The following ACSS3 variants were observed in gnomAD, a reference collection of about 807,000 sequenced individuals.
ACSS3 encodes acyl-CoA synthetase short chain family member 3.
ACSS3 carries 64 observed loss-of-function variants against 84.2 expected under a neutral mutation model. The observed-to-expected ratio is 0.76, with a 90% CI of 0.62 to 0.94. The LOEUF (loss-of-function observed/expected upper bound fraction) is 0.94. Ranked by LOEUF, ACSS3 falls within the 40% of genes least tolerant of loss-of-function variation. The pLI is 0.00. For missense variants in ACSS3, 815 were observed against 867.6 expected, an observed-to-expected ratio of 0.94 and a Z score of 0.76; for synonymous variants, 317 against 310.1, an observed-to-expected ratio of 1.02 and a Z score of -0.23.
intron 4 of ACSS3, among the ~76,000 whole-genome samples, chr12:81,141,885 T>G (rs1050769315): frequency 1.2e-4 from 19 of 152,210 alleles, no homozygotes; most frequent in Non-Finnish European, 2.8e-4. Flanking sequence ...GAGAAAGCAG[T>G]TTGGCCTGAA....
At chr12:81,131,060 G>A (rs144727505) in intron 2 of ACSS3, among the ~76,000 whole-genome samples, 7,368 of 152,214 alleles carry the variant, frequency 0.048, 459 homozygotes, top group African/African-American at 0.14. Context: ...GTCAGGTAAC[G>A]TGATGCCTCC....
chr12:81,088,451 T>G (rs1881461178), intron 1 of ACSS3, among the ~76,000 whole-genome samples: 1 of 152,048 alleles, frequency 6.6e-6, no homozygotes, highest in Admixed American at 6.6e-5. Flanking sequence ...ATAGCTAACC[T>G]TTTTATTATC....
intron 2 of ACSS3, among the ~76,000 whole-genome samples, chr12:81,132,171 T>C (rs1049803118): frequency 6.6e-6 from 1 of 152,222 alleles, no homozygotes; most frequent in South Asian, 2.1e-4. Flanking sequence ...TCCCTCTTTT[T>C]CTATTGATTG....
At chr12:81,087,736 A>G (rs957145882) in intron 1 of ACSS3, among the ~76,000 whole-genome samples, 42 of 152,090 alleles carry the variant, frequency 2.8e-4, no homozygotes, top group African/African-American at 9.7e-4. Context: ...ACAAATACCT[A>G]GACTGTGCCT....
At chr12:81,101,319 T>TA (rs902745920) in intron 1 of ACSS3, among the ~76,000 whole-genome samples, 12 of 152,240 alleles carry the variant, frequency 7.9e-5, no homozygotes, top group African/African-American at 2.2e-4. Flanking sequence ...ATTTTTTATT[T>TA]AAAAAAATTT....
At chr12:81,110,870 T>G (rs1418108932) in intron 2 of ACSS3, among the ~76,000 whole-genome samples, 1 of 152,338 alleles carries the variant, frequency 6.6e-6, no homozygotes, top group East Asian at 1.9e-4. Flanking sequence ...CTCCTTTTGC[T>G]TTTTGAACCC....
intron 5 of ACSS3, among the ~76,000 whole-genome samples, chr12:81,146,322 A>G (rs1385473302): frequency 6.6e-6 from 1 of 152,186 alleles, no homozygotes; most frequent in Non-Finnish European, 1.5e-5. Flanking sequence ...GATTAATAGT[A>G]CCTAAAATCT....
At chr12:81,218,238 A>C (rs1188335621) in intron 10 of ACSS3, among the ~76,000 whole-genome samples, 1 of 152,222 alleles carries the variant, frequency 6.6e-6, no homozygotes. Flanking sequence ...TTAGACTAAC[A>C]CATTCATTTT....
intron 8 of ACSS3, among the ~76,000 whole-genome samples, chr12:81,183,950 C>T (rs1264683703): frequency 6.6e-6 from 1 of 151,830 alleles, no homozygotes; most frequent in South Asian, 2.1e-4. Flanking sequence ...CCCTAACAGA[C>T]ATATACAGAA....
chr12:81,238,341 G>A (rs570307295), intron 13 of ACSS3, among the ~76,000 whole-genome samples: 49 of 151,578 alleles, frequency 3.2e-4, no homozygotes, highest in African/African-American at 1.1e-3. Context: ...ATTCTATGGG[G>A]CCAGCATTGT....
At chr12:81,167,816 A>ATAT (rs1168314260) in intron 7 of ACSS3, among the ~76,000 whole-genome samples, 1 of 152,156 alleles carries the variant, frequency 6.6e-6, no homozygotes, top group Non-Finnish European at 1.5e-5. Context: ...AGATTTATAG[A>ATAT]TATTTGTGTC....
At chr12:81,083,283 G>T (rs1881100865) in intron 1 of ACSS3, among the ~76,000 whole-genome samples, 1 of 150,840 alleles carries the variant, frequency 6.6e-6, no homozygotes, top group South Asian at 2.1e-4. Context: ...TACAAGTTTT[G>T]TTTGTTTAAT....
chr12:81,139,659 C>CA (rs1885991399), intron 4 of ACSS3, among the ~76,000 whole-genome samples: 1 of 145,356 alleles, frequency 6.9e-6, no homozygotes, highest in Non-Finnish European at 1.5e-5. Flanking sequence ...TTTTTTGAGA[C>CA]AGAGTCTCAC....
intron 13 of ACSS3, among the ~76,000 whole-genome samples, chr12:81,246,960 A>C (rs1272106892): frequency 1.3e-5 from 2 of 152,194 alleles, no homozygotes; most frequent in African/African-American, 2.4e-5. Flanking sequence ...AAATTAAAAA[A>C]GTTTGTACCT....
In ACSS3 at chr12:81,100,216, G is replaced by GTTT. The variant is rs34512313; in HGVS notation, c.312-9323_312-9321dup. Among the ~76,000 whole-genome samples the GTTT allele has an allele frequency of 6.2e-3, 664 of 106,502 alleles. 14 individuals carry two copies. The highest frequency in any genetic ancestry group is 0.01 in the South Asian group (30 of 2,982). 69.9% of individuals were successfully genotyped at this position (106,502 alleles called of 152,430 possible). On this transcript the variant is annotated intron_variant, in intron 1 of 15. Coordinates refer to ENST00000548058, the MANE Select transcript of ACSS3 (RefSeq NM_024560.4). ...GGCAAGGACAAATGCAAAATTACCA[G>GTTT]TTTTTTTTTTTTTTTTTTTTTTTGA...
intron 7 of ACSS3, among the ~76,000 whole-genome samples, chr12:81,164,613 T>C (rs746460041): frequency 4.6e-5 from 7 of 152,204 alleles, no homozygotes; most frequent in Non-Finnish European, 8.8e-5. Context: ...GTATCTTTAA[T>C]GAACATCTCA....
intron 8 of ACSS3, among the ~76,000 whole-genome samples, chr12:81,179,040 T>C (rs1170937070): frequency 6.6e-6 from 1 of 151,818 alleles, no homozygotes; most frequent in Non-Finnish European, 1.5e-5. Flanking sequence ...TAACAAGCAA[T>C]TGAGAAAGGA....
intron 1 of ACSS3, among the ~76,000 whole-genome samples, chr12:81,108,726 C>T (rs1473369648): frequency 5.9e-5 from 9 of 152,052 alleles, no homozygotes; most frequent in African/African-American, 2.2e-4. Context: ...ATATATTTTC[C>T]TGTTATTTTG....
chr12:81,132,669 C>A (rs909307931), intron 2 of ACSS3, among the ~76,000 whole-genome samples: 2 of 151,948 alleles, frequency 1.3e-5, no homozygotes, highest in African/African-American at 2.4e-5. Flanking sequence ...AATCTCATTT[C>A]TTTCAGAGGA....
Sources: allele counts gnomAD v4.1 joint callset (sites outside exome capture counted in the v4.1 genomes callset), GRCh38; gene constraint gnomAD v4.1.1; transcripts MANE v1.5; gene names NCBI Gene and HGNC (gene_info 2026-07-23, HGNC 2026-07-21).